Variants in GSG1L observed in about 807,000 individuals in gnomAD.
GSG1L encodes the protein germ cell-specific gene 1-like protein.
Under a neutral mutation model 42.1 loss-of-function variants are expected in GSG1L, and 24 were observed. That is an observed-to-expected ratio of 0.57 (90% CI 0.41 to 0.80). The LOEUF is 0.80. Among genes scored for constraint, GSG1L ranks in the 30% least tolerant of loss-of-function variants. The pLI, the probability that GSG1L is intolerant of heterozygous loss-of-function variation, is 0.00. For missense variants in GSG1L, 445 were observed against 472.2 expected (o/e 0.94, Z 0.53); for synonymous variants, 215 against 203.5 (o/e 1.06, Z -0.48).
At chr16:27,935,271 G>A (rs2084701357) in intron 2 of GSG1L, among the ~76,000 whole-genome samples, 1 of 152,158 alleles carries the variant, frequency 6.6e-6, no homozygotes, top group Non-Finnish European at 1.5e-5. Flanking sequence ...CCAGGCCTCT[G>A]AGAGCTGCCA....
intron 1 of GSG1L, among the ~76,000 whole-genome samples, chr16:27,971,778 G>A (rs745774679): frequency 6.6e-6 from 1 of 152,074 alleles, no homozygotes; most frequent in African/African-American, 2.4e-5. Flanking sequence ...TAGCTGTGGG[G>A]TTTTTTTAAT....
chr16:28,053,943 T>G (rs1219978578), intron 1 of GSG1L, among the ~76,000 whole-genome samples: 1 of 152,148 alleles, frequency 6.6e-6, no homozygotes, highest in East Asian at 1.9e-4. Flanking sequence ...CTCTCCTCGC[T>G]CGCTCCCTCT....
chr16:27,834,985 A>G (rs2083308584), intron 4 of GSG1L, among the ~76,000 whole-genome samples: 1 of 152,022 alleles, frequency 6.6e-6, no homozygotes, highest in South Asian at 2.1e-4. Flanking sequence ...TCTTGGGATG[A>G]GAGCTGATTT....
intron 2 of GSG1L, among the ~76,000 whole-genome samples, chr16:27,893,354 G>A (rs1187525260): frequency 6.6e-6 from 1 of 152,136 alleles, no homozygotes; most frequent in Non-Finnish European, 1.5e-5. Flanking sequence ...CCTTGACTGA[G>A]TGAAAAAACA....
chr16:27,945,551 C>T (rs1485934287), intron 2 of GSG1L, among the ~76,000 whole-genome samples: 1 of 152,160 alleles, frequency 6.6e-6, no homozygotes, highest in Non-Finnish European at 1.5e-5. Context: ...CAAGCAGGGG[C>T]CAGGGCATCC....
intron 1 of GSG1L, 124 bp downstream of exon 1, chr16:28,062,952 C>A (rs1334092231): frequency 2.4e-5 from 28 of 1,182,618 alleles, no homozygotes; most frequent in Non-Finnish European, 2.9e-5. Context: ...CCTAGCCAGG[C>A]GGAGCGCTGG....
chr16:27,847,671 G>T (rs2083459218), intron 3 of GSG1L, among the ~76,000 whole-genome samples: 1 of 152,186 alleles, frequency 6.6e-6, no homozygotes, highest in South Asian at 2.1e-4. Flanking sequence ...GGGCCTGGTG[G>T]GACGTGACTG....
intron 6 of GSG1L, among the ~76,000 whole-genome samples, chr16:27,799,319 AG>A (rs1413363362): frequency 6.6e-6 from 1 of 151,730 alleles, no homozygotes; most frequent in Non-Finnish European, 1.5e-5. Context: ...TTATTACTTG[AG>A]GCCAGGAGTT....
intron 3 of GSG1L, among the ~76,000 whole-genome samples, chr16:27,857,587 G>A (rs953381758): frequency 3.9e-5 from 6 of 151,978 alleles, no homozygotes; most frequent in East Asian, 3.9e-4. Context: ...ACAAGAAAAC[G>A]AAAGGCAAGG....
chr16:27,978,772 A>T (rs527598039), intron 1 of GSG1L, among the ~76,000 whole-genome samples: 13 of 148,768 alleles, frequency 8.7e-5, no homozygotes, highest in African/African-American at 2.5e-4. Flanking sequence ...TTTTTTTTTT[A>T]AATATATATA....
intron 3 of GSG1L, among the ~76,000 whole-genome samples, chr16:27,882,118 C>T (rs1044581172): frequency 3.3e-5 from 5 of 152,232 alleles, no homozygotes; most frequent in South Asian, 2.1e-4. Flanking sequence ...ATCATGGGGG[C>T]GGGTCTTTCT....
In GSG1L at chr16:28,059,441, C is replaced by A. The variant is rs1472272690; in HGVS notation, c.349+3635G>T. Among the ~76,000 whole-genome samples the A allele has an allele frequency of 2.0e-5, 3 of 152,086 alleles. No homozygotes were observed. The highest frequency in any genetic ancestry group is 4.4e-5 in the Non-Finnish European group (3 of 68,014). ...CTCTCTTCTCTCTCCAGTCTCACCT[C>A]CCTCCTGCCAGCCTGGCAAGTCCCC... On this transcript the variant is annotated intron_variant, in intron 1 of 6. Transcript: ENST00000447459. This position sits in a 1 kb window ranked among gnomAD's most constrained non-coding sequence, Gnocchi z 4.4.
intron 1 of GSG1L, among the ~76,000 whole-genome samples, chr16:28,053,750 C>T (rs908011508): frequency 3.3e-5 from 5 of 152,256 alleles, no homozygotes; most frequent in Non-Finnish European, 5.9e-5. Context: ...TGCATGCATG[C>T]GTGTGTGCAC....
intron 5 of GSG1L, among the ~76,000 whole-genome samples, chr16:27,817,234 GT>G (rs1306829931): frequency 1.3e-5 from 2 of 152,214 alleles, no homozygotes. Flanking sequence ...CATCTCTGCT[GT>G]GGCAGGGGTG....
intron 3 of GSG1L, among the ~76,000 whole-genome samples, chr16:27,875,546 T>C (rs748019373): frequency 6.6e-6 from 1 of 152,180 alleles, no homozygotes; most frequent in Non-Finnish European, 1.5e-5. Flanking sequence ...GTGGACACTC[T>C]GATAATTTGA....
chr16:27,905,882 A>T (rs967431337), intron 2 of GSG1L, among the ~76,000 whole-genome samples: 1 of 151,972 alleles, frequency 6.6e-6, no homozygotes, highest in Non-Finnish European at 1.5e-5. Flanking sequence ...CCCCTGCCTC[A>T]CCACCTTGAC....
chr16:28,015,234 C>T (rs1053114413), intron 1 of GSG1L, among the ~76,000 whole-genome samples: 1 of 152,214 alleles, frequency 6.6e-6, no homozygotes, highest in African/African-American at 2.4e-5. Context: ...CTGGGCACAG[C>T]GGCTCACGCC....
intron 5 of GSG1L, among the ~76,000 whole-genome samples, chr16:27,810,284 G>A (rs1157743950): frequency 1.3e-5 from 2 of 152,136 alleles, no homozygotes; most frequent in Non-Finnish European, 2.9e-5. Context: ...TTCGAGACCA[G>A]CCTGGGCAAC....
chr16:27,796,400 T>C (rs2082818229), intron 6 of GSG1L, among the ~76,000 whole-genome samples: 2 of 152,358 alleles, frequency 1.3e-5, no homozygotes, highest in South Asian at 4.1e-4. Context: ...CACAAATCTC[T>C]ACCATGAGAG....
Sources: gnomAD v4.1 joint callset for allele counts (sites outside exome capture counted in the v4.1 genomes callset) on GRCh38, gnomAD v4.1.1 for gene constraint, Gnocchi (gnomAD v3.1) non-coding constraint, MANE v1.5 for transcripts, NCBI Gene and HGNC (gene_info 2026-07-23, HGNC 2026-07-21) for gene names.